GPR149: variants seen among roughly 807,000 people sequenced by gnomAD.
GPR149 encodes probable G protein-coupled receptor 149.
GPR149 carries 50 observed loss-of-function variants against 50.2 expected under a neutral mutation model. The ratio of observed to expected loss-of-function variants is 1.00; its 90% CI spans 0.79 to 1.26. The LOEUF is 1.26. Among genes scored for constraint, GPR149 ranks in the 50% most tolerant of loss-of-function variants. GPR149 has a pLI of 0.00. For missense variants in GPR149, 983 were observed against 895.4 expected (o/e 1.10, Z -1.25); for synonymous variants, 405 against 358.2 (o/e 1.13, Z -1.48).
intron 3 of GPR149, among the ~76,000 whole-genome samples, chr3:154,346,650 G>C (rs1202563899): frequency 6.6e-6 from 1 of 151,620 alleles, no homozygotes. Context: ...ACCCAGGCTG[G>C]AGTGAGTGGC....
At chr3:154,339,556 T>A (rs1164762119) in intron 3 of GPR149, among the ~76,000 whole-genome samples, 1 of 152,098 alleles carries the variant, frequency 6.6e-6, no homozygotes. Flanking sequence ...AGCACTGAAA[T>A]TTCTGCATCC....
chr3:154,418,258 G>T (rs962616299), intron 3 of GPR149, among the ~76,000 whole-genome samples: 1 of 104,962 alleles, frequency 9.5e-6, no homozygotes, highest in Non-Finnish European at 1.9e-5. Context: ...TCAGTGTGGC[G>T]ATTCCTCAGG....
At chr3:154,341,494 A>T (rs575173596) in intron 3 of GPR149, among the ~76,000 whole-genome samples, 1 of 151,286 alleles carries the variant, frequency 6.6e-6, no homozygotes, top group African/African-American at 2.4e-5. Context: ...ATTGCCAATC[A>T]AAAATAATTT....
chr3:154,366,637 A>C (rs1433291494), intron 3 of GPR149, among the ~76,000 whole-genome samples: 1 of 152,242 alleles, frequency 6.6e-6, no homozygotes, highest in Non-Finnish European at 1.5e-5. Context: ...ACAGACTTTA[A>C]GTCTTTAGGT....
intron 3 of GPR149, among the ~76,000 whole-genome samples, chr3:154,369,146 A>C (rs1714604862): frequency 6.6e-6 from 1 of 152,172 alleles, no homozygotes; most frequent in Non-Finnish European, 1.5e-5. Context: ...GGGTGTGGGA[A>C]TCCCTGTGTT....
At chr3:154,353,037 C>G in intron 3 of GPR149, 2 of 1,379,184 alleles carry the variant, frequency 1.5e-6, no homozygotes, top group Admixed American at 1.7e-5. Flanking sequence ...TTCTCTGAAG[C>G]CTTTTAGTGT....
chr3:154,357,428 A>G (rs1714265345), intron 3 of GPR149, among the ~76,000 whole-genome samples: 1 of 152,074 alleles, frequency 6.6e-6, no homozygotes, highest in Admixed American at 6.6e-5. Flanking sequence ...TTCGCAACCT[A>G]CTCATCTGAC....
At chr3:154,395,391 T>A (rs1715266264) in intron 3 of GPR149, among the ~76,000 whole-genome samples, 1 of 149,506 alleles carries the variant, frequency 6.7e-6, no homozygotes, top group African/African-American at 2.4e-5. Context: ...TATATATATC[T>A]AAATGTAAAC....
chr3:154,345,708 T>A (rs893914727), intron 3 of GPR149, among the ~76,000 whole-genome samples: 1 of 152,156 alleles, frequency 6.6e-6, no homozygotes, highest in African/African-American at 2.4e-5. Context: ...TCCAGGTGAA[T>A]CCAGGGTGAA....
chr3:154,356,416 G>A (rs947975695), intron 3 of GPR149, among the ~76,000 whole-genome samples: 1 of 152,160 alleles, frequency 6.6e-6, no homozygotes, highest in Non-Finnish European at 1.5e-5. Context: ...TGACATGATT[G>A]TATATCTAGA....
chr3:154,381,315 A>T (rs1474973889), intron 3 of GPR149, among the ~76,000 whole-genome samples: 3 of 152,160 alleles, frequency 2.0e-5, no homozygotes, highest in Non-Finnish European at 2.9e-5. Flanking sequence ...GTCACAATCT[A>T]ACAGAAAATA....
chr3:154,428,831 C>T lies in GPR149; in HGVS notation c.785G>A (p.Arg262Gln), dbSNP rs1238174734. ...GCTCGGAGAGCATCCCCCAGAGCGC[C>T]GCAGACTCGGGCCTGGAGCATCCTC... is the stretch of plus-strand genomic sequence containing the variant. The part of the protein sequence containing the change: ...SPEDAPGPSL[R>Q]RSGGCSPSSD... Residue 262 changes from arginine (R) to glutamine (Q), a missense_variant, in exon 1 of 4, where the codon CGG becomes CAG. By Grantham distance (43) the Arg-to-Gln change is conservative (BLOSUM62 1). Coordinates refer to ENST00000389740, the MANE Select transcript of GPR149 (RefSeq NM_001038705.3). The T allele has an allele frequency of 1.2e-6, 2 of 1,613,762 alleles. No individual in the cohort carries two copies. Among genetic ancestry groups the T allele is most frequent in the African/African-American group, 2.7e-5 (2 of 75,040 alleles).
At chr3:154,379,444 T>G (rs1327056370) in intron 3 of GPR149, among the ~76,000 whole-genome samples, 2 of 152,102 alleles carry the variant, frequency 1.3e-5, no homozygotes, top group African/African-American at 4.8e-5. Flanking sequence ...TTTATTTACT[T>G]TGATGTTAAA....
intron 3 of GPR149, among the ~76,000 whole-genome samples, chr3:154,398,411 AAAT>A (rs1416990915): frequency 2.0e-5 from 3 of 152,194 alleles, no homozygotes; most frequent in Non-Finnish European, 4.4e-5. Flanking sequence ...TGCTTTTAGT[AAAT>A]TGTGTCAATT....
At chr3:154,356,253 A>G (rs1186473786) in intron 3 of GPR149, among the ~76,000 whole-genome samples, 1 of 152,148 alleles carries the variant, frequency 6.6e-6, no homozygotes, top group Non-Finnish European at 1.5e-5. Context: ...AGACTGGATA[A>G]TTTATGAAGA....
intron 3 of GPR149, among the ~76,000 whole-genome samples, chr3:154,396,241 C>T (rs530660029): frequency 1.1e-4 from 17 of 152,148 alleles, no homozygotes; most frequent in African/African-American, 3.4e-4. Context: ...ATTCAAGCAC[C>T]TAATTAATTG....
intron 3 of GPR149, among the ~76,000 whole-genome samples, chr3:154,339,779 C>CTTT (rs71152802): frequency 3.4e-4 from 23 of 68,356 alleles, no homozygotes; most frequent in South Asian, 6.6e-4. Flanking sequence ...TGCTCTACTT[C>CTTT]TTTTTTTTTT....
intron 2 of GPR149, among the ~76,000 whole-genome samples, chr3:154,427,271 T>C (rs937374708): frequency 3.9e-5 from 6 of 152,054 alleles, no homozygotes; most frequent in Non-Finnish European, 1.5e-5. Flanking sequence ...CTTTTTTTTT[T>C]CTACCTAAAA....
intron 3 of GPR149, among the ~76,000 whole-genome samples, chr3:154,344,206 C>A (rs901289250): frequency 1.3e-5 from 2 of 152,126 alleles, no homozygotes; most frequent in African/African-American, 4.8e-5. Context: ...GTCCAACAAG[C>A]TGTCAATGTG....
Sources: gnomAD v4.1 joint callset for allele counts (sites outside exome capture counted in the v4.1 genomes callset) on GRCh38, gnomAD v4.1.1 for gene constraint, MANE v1.5 for transcripts, NCBI Gene and HGNC (gene_info 2026-07-23, HGNC 2026-07-21) for gene names.